The following INTS11 variants were observed in gnomAD, a reference collection of about 807,000 sequenced individuals.
INTS11 encodes integrator complex subunit 11.
A neutral mutation model predicts 78.6 loss-of-function variants in INTS11; 77 were observed. The observed-to-expected ratio is 0.98, with a 90% CI of 0.81 to 1.18. The LOEUF (loss-of-function observed/expected upper bound fraction) is 1.18. Among genes scored for constraint, INTS11 ranks in the 50% most tolerant of loss-of-function variants. The pLI, the probability that INTS11 is intolerant of heterozygous loss-of-function variation, is 0.00. For synonymous variants in INTS11, 441 were observed against 326.9 expected, an observed-to-expected ratio of 1.35 and a Z score of -3.77; for missense variants, 875 against 825.9, an observed-to-expected ratio of 1.06 and a Z score of -0.73.
In INTS11 at chr1:1,312,339, G is replaced by A. The variant is rs930041046; in HGVS notation, c.1494C>T (p.Ala498=). The change falls in exon 15 of 17, where the codon GCC becomes GCT. Residue 498 remains alanine (A), a synonymous_variant. Coordinates refer to ENST00000435064, the MANE Select transcript of INTS11 (RefSeq NM_017871.6). ...GCTCAGCCAGACCCAGCTCTTTGAG[G>A]GCTTGCTCTGAGGACACCAGCCGGA... The part of the protein sequence containing the change: ...SNFRLVSSEQ[A]LKELGLAEHQ... 7.0e-6 allele frequency: 11 copies of A among 1,560,724 alleles called. No individual in the cohort carries two copies. The highest frequency in any genetic ancestry group is 6.8e-5 in the African/African-American group (5 of 73,726).
In INTS11 at chr1:1,315,394, G is replaced by A; in HGVS notation, c.563+10C>T. 1 of 1,613,276 alleles carries A rather than the reference G, an allele frequency of 6.2e-7. No homozygotes were observed. Among genetic ancestry groups the A allele is most frequent in the Non-Finnish European group, 8.5e-7 (1 of 1,179,914 alleles). ...GCCCACGGGACAAAAAGACACCTCA[G>A]CCTACTTACCCTAAGTGTCGGTCTG... On this transcript the variant is annotated intron_variant, in intron 6 of 16. Coordinates refer to ENST00000435064, the MANE Select transcript of INTS11 (RefSeq NM_017871.6).
At chr1:1,321,631 C>T (rs1642952722) in intron 1 of INTS11, among the ~76,000 whole-genome samples, 1 of 152,210 alleles carries the variant, frequency 6.6e-6, no homozygotes, top group South Asian at 2.1e-4. Context: ...AACACGGTGC[C>T]AGTGGTCCAG....
chr1:1,324,190 G>GGCT (rs1643187683), intron 1 of INTS11, among the ~76,000 whole-genome samples: 1 of 145,384 alleles, frequency 6.9e-6, no homozygotes, highest in African/African-American at 2.6e-5. Context: ...GAGGCTGAGA[G>GGCT]GCTGGGGAGC....
At chr1:1,322,750 G>A (rs1359735846) in intron 1 of INTS11, 3 of 341,148 alleles carry the variant, frequency 8.8e-6, no homozygotes, top group Non-Finnish European at 8.2e-6. Flanking sequence ...GGGGACCGGC[G>A]GCGGGGGGGG....
Position 1,313,012 on chromosome 1 carries a change from C to G in INTS11, c.1131+23G>C, listed in dbSNP as rs369448288. 11 of 1,611,482 alleles carry G rather than the reference C, an allele frequency of 6.8e-6. No homozygotes were observed. The African/African-American group carries it at 1.3e-4, about 20-fold the overall frequency. ...AGGAGGTGCCCCTCGGCCCTGCCAG[C>G]CCAGTGCGGGGTCGAGACTCACCAC... On this transcript the variant is annotated intron_variant, in intron 11 of 16. Coordinates refer to ENST00000435064, the MANE Select transcript of INTS11 (RefSeq NM_017871.6).
chr1:1,314,752 G>A lies in INTS11; in HGVS notation c.702+72C>T, dbSNP rs1642472725. 1 of 1,546,916 alleles carries A rather than the reference G, an allele frequency of 6.5e-7. No homozygotes were observed. Among genetic ancestry groups the A allele is most frequent in the Non-Finnish European group, 8.8e-7 (1 of 1,135,950 alleles). On this transcript the variant is annotated intron_variant, in intron 7 of 16. Transcript: ENST00000435064. This position sits in a 1 kb window ranked among gnomAD's most constrained non-coding sequence, Gnocchi z 4.2. ...CCCTGAGACCCTGACCCATGCCAAG[G>A]GCAGCCAAGCCTGCCAGAAAGACCA...
chr1:1,315,869 C>T (rs1642573131), intron 4 of INTS11, among the ~76,000 whole-genome samples: 1 of 149,604 alleles, frequency 6.7e-6, no homozygotes, highest in African/African-American at 2.5e-5. Context: ...GAGGGCACTG[C>T]ACTGAGCTTT....
chr1:1,313,215 G>T, intron 10 of INTS11, 91 bp from the exon 11 acceptor site: 1 of 1,430,820 alleles, frequency 7.0e-7, no homozygotes, highest in Non-Finnish European at 9.5e-7. Context: ...ACCCCTGGAA[G>T]CTGTTTCCAC....
chr1:1,313,625 G>GGGCAGCA lies in INTS11; in HGVS notation c.958-40_958-34dup, dbSNP rs773162180. ...ACACACAGGGCCAGGTGGGGGGTCA[G>GGGCAGCA]GGCAGCAGATGCCCCCACCCCCACT... is the stretch of plus-strand genomic sequence containing the variant. On this transcript the variant is annotated intron_variant, in intron 9 of 16. Coordinates refer to ENST00000435064, the MANE Select transcript of INTS11 (RefSeq NM_017871.6). 3.7e-6 allele frequency: 6 copies of GGGCAGCA among 1,612,310 alleles called. No individual in the cohort carries two copies. The Admixed American group carries it at 8.3e-5, about 22-fold the overall frequency.
In INTS11 at chr1:1,314,992, C is replaced by A; in HGVS notation, c.564-30G>T. On this transcript the variant is annotated intron_variant, in intron 6 of 16. Transcript: ENST00000435064. This position sits in a 1 kb window ranked among gnomAD's most constrained non-coding sequence, Gnocchi z 4.2. ...AACACGGGGGTGGGGGTGTGAGCCA[C>A]GATGCACTGTCCCCACGGTTGCAGG... 4 of 1,606,978 alleles carry A rather than the reference C, an allele frequency of 2.5e-6. No homozygotes were observed. The highest frequency in any genetic ancestry group is 3.4e-6 in the Non-Finnish European group (4 of 1,175,208).
intron 1 of INTS11, chr1:1,323,039 C>T: frequency 7.0e-7 from 1 of 1,430,868 alleles, no homozygotes; most frequent in South Asian, 1.5e-5. Flanking sequence ...TGGGAGGACC[C>T]CACGGAGGAC....
chr1:1,317,610 A>G (rs563964735), intron 4 of INTS11: 193 of 166,948 alleles, frequency 1.2e-3, no homozygotes, highest in African/African-American at 4.3e-3. Context: ...TGGAAGAAAC[A>G]TGATGAAGGC....
Position 1,314,099 on chromosome 1 carries a change from G to A in INTS11, c.768-178C>T, listed in dbSNP as rs1642423497. ...AGCAGCCGGGCTCAGCGGAGAACCA[G>A]GAACCCCTACAAGAGCCGCACACGG... is the stretch of plus-strand genomic sequence containing the variant. On this transcript the variant is annotated intron_variant, in intron 8 of 16. Transcript: ENST00000435064. The surrounding 1 kb of genome is among the most constrained non-coding windows in gnomAD (Gnocchi z 4.2). 5.2e-6 allele frequency: 4 copies of A among 774,466 alleles called. No homozygotes were observed. Among genetic ancestry groups the A allele is most frequent in the Non-Finnish European group, 8.4e-6 (4 of 475,056 alleles). 48.0% of individuals were successfully genotyped at this position (774,466 alleles called of 1,614,324 possible). A position where few individuals can be genotyped will look rare whatever the true frequency, so the allele number is the denominator to read the frequency against.
chr1:1,321,046 C>T lies in INTS11; in HGVS notation c.76G>A (p.Gly26Ser), dbSNP rs960235707. Residue 26 changes from glycine to serine, a missense_variant, in exon 2 of 17, where the codon GGC becomes AGC. Coordinates refer to ENST00000435064, the MANE Select transcript of INTS11 (RefSeq NM_017871.6). Reference protein sequence around the residue: ...GRSCILVSIAGKNVMLDCGMH... With the variant: ...GRSCILVSIASKNVMLDCGMH... ...CCACAGTCCAGCATGACATTCTTGC[C>T]CGCAATGGAGACCAGGATGCAGCTT... 2.5e-6 allele frequency: 4 copies of T among 1,612,964 alleles called. No homozygotes were observed. Among genetic ancestry groups the T allele is most frequent in the Non-Finnish European group, 3.4e-6 (4 of 1,179,888 alleles).
chr1:1,324,114 GAGGGT>G (rs1643161950), intron 1 of INTS11, among the ~76,000 whole-genome samples: 1 of 84,596 alleles, frequency 1.2e-5, no homozygotes, highest in Admixed American at 1.2e-4. Context: ...CTGGGGGGCT[GAGGGT>G]CTGCGGGGCT....
intron 3 of INTS11, chr1:1,319,968 G>A (rs1237773779): frequency 4.8e-6 from 1 of 206,812 alleles, no homozygotes; most frequent in Non-Finnish European, 9.8e-6. Flanking sequence ...GGCAGCTGAG[G>A]ACACTGCCTC....
intron 6 of INTS11, 132 bp from the exon 7 acceptor site, chr1:1,315,094 G>T: frequency 1.7e-6 from 2 of 1,157,318 alleles, no homozygotes; most frequent in Non-Finnish European, 2.4e-6. Flanking sequence ...AGAGCCAGCT[G>T]GTAAAATGCT....
rs1642473528 is a variant in INTS11, at chr1:1,314,770, A to G, written c.702+54T>C. The G allele has an allele frequency of 1.0e-5, 16 of 1,570,352 alleles. No homozygotes were observed. The South Asian group carries it at 1.7e-4, about 17-fold the overall frequency. On this transcript the variant is annotated intron_variant, in intron 7 of 16. Coordinates refer to ENST00000435064, the MANE Select transcript of INTS11 (RefSeq NM_017871.6). This position sits in a 1 kb window ranked among gnomAD's most constrained non-coding sequence, Gnocchi z 4.2. ...TGCCAAGGGCAGCCAAGCCTGCCAG[A>G]AAGACCAGCCCAGCATGGCCGAGGG... is the stretch of plus-strand genomic sequence containing the variant.
At position 1,320,994 on chromosome 1, in the gene INTS11, A is replaced by G. The variant is rs1039190804; in HGVS notation, c.126+2T>C. Reference sequence around the variant, plus strand: ...TCTGGGCCTCCTGCCCAAGGGACTCACGTCGTCATTGAAGCCCATGTGCAT... The same window carrying G: ...TCTGGGCCTCCTGCCCAAGGGACTCGCGTCGTCATTGAAGCCCATGTGCAT... On this transcript the variant is annotated splice_donor_variant, in intron 2 of 16. Transcript: ENST00000435064. LOFTEE classifies it high-confidence loss of function. 6.2e-7 allele frequency: 1 copy of G among 1,612,564 alleles called. No individual in the cohort carries two copies. The highest frequency in any genetic ancestry group is 1.3e-5 in the African/African-American group (1 of 75,026).
Sources: gnomAD v4.1 joint callset for allele counts (sites outside exome capture counted in the v4.1 genomes callset) on GRCh38, gnomAD v4.1.1 for gene constraint, Gnocchi (gnomAD v3.1) non-coding constraint, MANE v1.5 for transcripts, NCBI Gene and HGNC (gene_info 2026-07-23, HGNC 2026-07-21) for gene names.